Variants in CADM2 observed in about 807,000 individuals in gnomAD.
CADM2 encodes the protein immunoglobulin superfamily member 4D.
CADM2 carries 12 observed loss-of-function variants against 49.8 expected under a neutral mutation model. The ratio of observed to expected loss-of-function variants is 0.24; its 90% CI spans 0.15 to 0.39. The LOEUF (loss-of-function observed/expected upper bound fraction) is 0.39. CADM2 is among the 10% of genes least tolerant of loss of function. The probability of loss-of-function intolerance (pLI) is 1.00; values close to 1 mark genes in which losing one functional copy is unlikely to be tolerated. For synonymous variants in CADM2, 214 were observed against 175.4 expected (o/e 1.22, Z -1.74); for missense variants, 378 against 492.3 (o/e 0.77, Z 2.20).
At chr3:85,131,548 T>A (rs564824788) in intron 1 of CADM2, among the ~76,000 whole-genome samples, 1 of 152,294 alleles carries the variant, frequency 6.6e-6, no homozygotes, top group South Asian at 2.1e-4. Flanking sequence ...AATGTTTTCA[T>A]GCATATTTCA....
At chr3:85,730,562 T>C (rs1353009136) in intron 2 of CADM2, among the ~76,000 whole-genome samples, 1 of 152,196 alleles carries the variant, frequency 6.6e-6, no homozygotes, top group Non-Finnish European at 1.5e-5. Flanking sequence ...CTACATTTGA[T>C]ATACAAGTCT....
chr3:85,475,324 T>A (rs67336646), intron 1 of CADM2, among the ~76,000 whole-genome samples: 77,950 of 151,700 alleles, frequency 0.51, 22,978 homozygotes, highest in East Asian at 0.83. Context: ...CCTGGCCTCC[T>A]ATCTATCCTA....
chr3:85,850,458 G>A (rs1245171774), intron 3 of CADM2, among the ~76,000 whole-genome samples: 1 of 151,806 alleles, frequency 6.6e-6, no homozygotes, highest in Non-Finnish European at 1.5e-5. Context: ...CTGAGTAGGT[G>A]GGACTACAGG....
chr3:85,556,044 T>C (rs2061950308), intron 1 of CADM2, among the ~76,000 whole-genome samples: 1 of 152,104 alleles, frequency 6.6e-6, no homozygotes, highest in Non-Finnish European at 1.5e-5. Flanking sequence ...CCCCATGTAG[T>C]TGAAAATCTG....
chr3:85,855,621 C>CATATATATATATATATAT (rs142144366), intron 3 of CADM2, among the ~76,000 whole-genome samples: 3 of 54,010 alleles, frequency 5.6e-5, no homozygotes, highest in African/African-American at 1.4e-4. Context: ...ATATATAAAA[C>CATATATATATATATATAT]ATATATATAT....
At position 86,065,620 on chromosome 3, in the gene CADM2, C is replaced by T. The variant is rs780527021; in HGVS notation, c.986C>T (p.Ala329Val). 1 of 1,612,764 alleles carries T rather than the reference C, an allele frequency of 6.2e-7. No individual in the cohort carries two copies. Among genetic ancestry groups the T allele is most frequent in the Admixed American group, 1.7e-5 (1 of 59,722 alleles). The change falls in exon 9 of 10, where the codon GCT becomes GTT. Residue 329 changes from alanine to valine, a missense_variant. Coordinates refer to ENST00000383699, the MANE Select transcript of CADM2 (RefSeq NM_001167675.2). ...TCTTTTCCAGATCCTAATGCTTTGG[C>T]TGGCCAGAATGGCCCTGACCATGCT... ...VLIVHDPNAL[A>V]GQNGPDHALI... is the part of the protein sequence containing the mutation.
intron 8 of CADM2, among the ~76,000 whole-genome samples, chr3:86,054,934 T>C (rs1379289085): frequency 6.6e-6 from 1 of 152,160 alleles, no homozygotes; most frequent in East Asian, 1.9e-4. Context: ...ATTTTATGTG[T>C]GTGGACAGAG....
intron 5 of CADM2, among the ~76,000 whole-genome samples, chr3:85,894,018 A>T (rs1340405426): frequency 1.3e-5 from 2 of 152,224 alleles, no homozygotes; most frequent in Non-Finnish European, 2.9e-5. Context: ...AAGGATTATA[A>T]ATCATGCTGC....
intron 1 of CADM2, among the ~76,000 whole-genome samples, chr3:85,648,547 T>C (rs1340857046): frequency 6.6e-6 from 1 of 152,056 alleles, no homozygotes; most frequent in African/African-American, 2.4e-5. Flanking sequence ...ACTCTGATTC[T>C]ATATGCCTCT....
chr3:86,031,701 TACATTGCTTGGGAATTACATG>T, intron 8 of CADM2, among the ~76,000 whole-genome samples: 1 of 151,800 alleles, frequency 6.6e-6, no homozygotes, highest in Non-Finnish European at 1.5e-5. Context: ...GAAAGGCAAT[TACATTGCTTGGGAATTACATG>T]AAGAAACTAG....
At chr3:85,325,612 C>T (rs1342269173) in intron 1 of CADM2, among the ~76,000 whole-genome samples, 1 of 151,100 alleles carries the variant, frequency 6.6e-6, no homozygotes, top group East Asian at 2.0e-4. Flanking sequence ...ATCACTTGAA[C>T]CTGGGAGGCG....
chr3:85,277,057 A>C (rs1203475926), intron 1 of CADM2, among the ~76,000 whole-genome samples: 1 of 151,480 alleles, frequency 6.6e-6, no homozygotes, highest in African/African-American at 2.4e-5. Flanking sequence ...TTTGAAAAAG[A>C]AAAATGATAG....
chr3:85,450,100 T>A (rs2037684877), intron 1 of CADM2, among the ~76,000 whole-genome samples: 1 of 152,190 alleles, frequency 6.6e-6, no homozygotes, highest in Non-Finnish European at 1.5e-5. Context: ...TGGGAAGAAC[T>A]GTTTCGATGA....
At chr3:85,621,544 G>A (rs182031142) in intron 1 of CADM2, among the ~76,000 whole-genome samples, 1 of 152,142 alleles carries the variant, frequency 6.6e-6, no homozygotes, top group African/African-American at 2.4e-5. Context: ...ATGTAATTAT[G>A]TCTTTATACA....
intron 1 of CADM2, among the ~76,000 whole-genome samples, chr3:85,686,258 TTA>T (rs893335079): frequency 5.9e-5 from 9 of 152,318 alleles, no homozygotes; most frequent in Admixed American, 5.9e-4. Flanking sequence ...GGTTTGAGTT[TTA>T]TCTTAAGTTG....
intron 1 of CADM2, among the ~76,000 whole-genome samples, chr3:85,446,163 T>C (rs577410803): frequency 8.9e-4 from 135 of 152,266 alleles, no homozygotes; most frequent in South Asian, 3.7e-3. Flanking sequence ...TTCTCTTGAC[T>C]CATCACTGTT....
intron 1 of CADM2, among the ~76,000 whole-genome samples, chr3:85,078,207 C>T (rs1231357530): frequency 6.6e-6 from 1 of 151,878 alleles, no homozygotes; most frequent in East Asian, 1.9e-4. Flanking sequence ...TTAAATGATC[C>T]TATTTTTAAA....
chr3:85,112,555 C>T (rs1040337334), intron 1 of CADM2, among the ~76,000 whole-genome samples: 4 of 151,824 alleles, frequency 2.6e-5, no homozygotes, highest in African/African-American at 9.6e-5. Flanking sequence ...TAAAGTTGAC[C>T]TACAATTCTT....
intron 1 of CADM2, among the ~76,000 whole-genome samples, chr3:85,346,822 T>C (rs1006466028): frequency 7.2e-5 from 11 of 152,238 alleles, no homozygotes; most frequent in Admixed American, 6.5e-4. Context: ...TAGATAGTGT[T>C]AATATTTTAT....
Sources: allele counts gnomAD v4.1 joint callset (sites outside exome capture counted in the v4.1 genomes callset), GRCh38; gene constraint gnomAD v4.1.1; transcripts MANE v1.5; gene names NCBI Gene and HGNC (gene_info 2026-07-23, HGNC 2026-07-21).